The following SH3TC1 variants were observed in gnomAD, a reference collection of about 807,000 sequenced individuals.
SH3TC1 encodes the protein SH3 domain and tetratricopeptide repeat-containing protein 1.
Under a neutral mutation model 117.3 loss-of-function variants are expected in SH3TC1, and 135 were observed. The observed-to-expected ratio is 1.15, with a 90% CI of 1.00 to 1.33. The LOEUF (loss-of-function observed/expected upper bound fraction) is 1.33, where lower values mean the gene tolerates loss of function less well. Ranked by LOEUF, SH3TC1 falls within the 40% of genes most tolerant of loss-of-function variation. The pLI, the probability that SH3TC1 is intolerant of heterozygous loss-of-function variation, is 0.00. For missense variants in SH3TC1, 2,092 were observed against 1,794.3 expected, an observed-to-expected ratio of 1.17 and a Z score of -3.00; for synonymous variants, 898 against 816.9, an observed-to-expected ratio of 1.10 and a Z score of -1.69.
rs1219652486 is a variant in SH3TC1 at position 8,233,474 on chromosome 4, C to T, written c.3243C>T (p.Tyr1081=). 1 of 1,613,616 alleles carries T rather than the reference C, an allele frequency of 6.2e-7. No homozygotes were observed. The highest frequency in any genetic ancestry group is 1.7e-5 in the Admixed American group (1 of 59,950). Residue 1081 remains tyrosine, a synonymous_variant, in exon 14 of 18, where the codon TAC becomes TAT. Coordinates refer to ENST00000245105, the MANE Select transcript of SH3TC1 (RefSeq NM_018986.5). ...HAWLQAGKIY[Y]ILRQSELVDL... ...GGCTGCAAGCAGGGAAGATCTATTA[C>T]ATCTTGCGGCAGAGCGAGCTGGTGG...
At chr4:8,199,115 G>A (rs1188303249), upstream of SH3TC1, among the ~76,000 whole-genome samples, 1 of 152,212 alleles carries the variant, frequency 6.6e-6, no homozygotes, top group Non-Finnish European at 1.5e-5. Flanking sequence ...GCAGGACAGG[G>A]CCTGGACCTC....
chr4:8,225,723 G>T lies in SH3TC1; in HGVS notation c.1285+507G>T, dbSNP rs1283275013. 1.3e-5 allele frequency among the ~76,000 whole-genome samples: 2 copies of T among 152,194 alleles called. No individual in the cohort carries two copies. The highest frequency in any genetic ancestry group is 2.9e-5 in the Non-Finnish European group (2 of 68,042). ...AGCTCTGTCTCTTCCCCTCACACAG[G>T]GTCCGCATGGGGAGAGCCTGGGGAT... On this transcript the variant is annotated intron_variant, in intron 11 of 17. Transcript: ENST00000245105. The surrounding 1 kb of genome is among the most constrained non-coding windows in gnomAD (Gnocchi z 5.5).
At chr4:8,213,912 C>A (rs1467168666) in intron 4 of SH3TC1, among the ~76,000 whole-genome samples, 1 of 150,270 alleles carries the variant, frequency 6.7e-6, no homozygotes, top group African/African-American at 2.4e-5. Flanking sequence ...AAGAAAGAAA[C>A]GGGGCCTTAT....
rs777772093 is a variant in SH3TC1 at position 8,214,522 on chromosome 4, C to G, written c.423C>G (p.Ile141Met). 6 of 1,613,828 alleles carry G rather than the reference C, an allele frequency of 3.7e-6. No individual in the cohort carries two copies. In the African/African-American group the frequency reaches 5.3e-5, roughly 14 times the overall value. The change falls in exon 5 of 18, where the codon ATC becomes ATG. Residue 141 changes from isoleucine (I) to methionine (M), a missense_variant. Ile to Met is a conservative substitution (Grantham distance 10). Coordinates refer to ENST00000245105, the MANE Select transcript of SH3TC1 (RefSeq NM_018986.5). ...CCATCCACAGTGACCAGGACCGGATCGTGGTGACGTTTAAGACTTTTGAAG... is the reference window on the plus strand; with the variant it reads ...CCATCCACAGTGACCAGGACCGGATGGTGGTGACGTTTAAGACTTTTGAAG... ...LLSIHSDQDRIVVTFKTFEEI... is the reference protein window; with the variant it reads ...LLSIHSDQDRMVVTFKTFEEI...
chr4:8,201,163 A>C (rs1236758269), intron 1 of SH3TC1, among the ~76,000 whole-genome samples: 4 of 152,098 alleles, frequency 2.6e-5, no homozygotes, highest in Non-Finnish European at 5.9e-5. Flanking sequence ...AGCTTGGCCA[A>C]AGCTTCCCAA....
Position 8,240,715 on chromosome 4 carries a change from C to T in SH3TC1, c.3771C>T (p.Ala1257=), listed in dbSNP as rs780902044. 8.1e-6 allele frequency: 13 copies of T among 1,613,898 alleles called. No individual in the cohort carries two copies. Among genetic ancestry groups the T allele is most frequent in the Admixed American group, 5.0e-5 (3 of 60,010 alleles). The part of the protein sequence containing the change: ...FYDLKDPFDA[A]GYYQLALAAA... ...CCCTTCAGGACCCGTTTGATGCAGC[C>T]GGGTACTACCAGCTGGCGCTGGCAG... The change falls in exon 18 of 18, where the codon GCC becomes GCT. Residue 1257 remains alanine (A), a synonymous_variant. Coordinates refer to ENST00000245105, the MANE Select transcript of SH3TC1 (RefSeq NM_018986.5).
chr4:8,195,322 C>T (rs576283257), upstream of SH3TC1, among the ~76,000 whole-genome samples: 16 of 152,286 alleles, frequency 1.1e-4, no homozygotes, highest in Admixed American at 3.3e-4. Context: ...CAGATTGTCC[C>T]GGGAGAATTG....
intron 1 of SH3TC1, among the ~76,000 whole-genome samples, chr4:8,182,641 A>G (rs1717110444): frequency 6.6e-6 from 1 of 152,138 alleles, no homozygotes; most frequent in Admixed American, 6.5e-5. Flanking sequence ...CAGTTTCCCC[A>G]TCTGTAAGAT....
intron 4 of SH3TC1, chr4:8,213,050 G>T: frequency 1.7e-6 from 1 of 575,744 alleles, no homozygotes; most frequent in South Asian, 2.3e-5. Context: ...TCGTCCCTCT[G>T]CTCTCCCACA....
At chr4:8,226,593 G>C (rs1720477163) in intron 11 of SH3TC1, among the ~76,000 whole-genome samples, 1 of 152,246 alleles carries the variant, frequency 6.6e-6, no homozygotes, top group African/African-American at 2.4e-5. Context: ...TAGTCGTAGT[G>C]CTGCGTACAC....
chr4:8,193,250 C>A (rs988753454), intron 1 of SH3TC1, among the ~76,000 whole-genome samples: 1 of 152,190 alleles, frequency 6.6e-6, no homozygotes, highest in Non-Finnish European at 1.5e-5. Context: ...CAGCAGCCTG[C>A]GAAAGTGGGG....
Position 8,240,953 on chromosome 4 carries a change from T to A in SH3TC1, c.4009T>A (p.Ter1337ArgextTer?). The change falls in exon 18 of 18, where the codon TGA becomes AGA. Residue 1337 changes from the stop codon to arginine (R), a stop_lost. Transcript: ENST00000245105. The stretch of plus-strand genomic sequence containing the variant: ...CTGGTTGGCCCCCAGCCACCCTCGC[T>A]GAGGACAGCATCCAAGGGAGTGGGT... Reference protein sequence around the residue: ...APWLAPSHPR* With the variant: ...APWLAPSHPRR The A allele has an allele frequency of 6.2e-7, 1 of 1,609,162 alleles. No individual in the cohort carries two copies. Among genetic ancestry groups the A allele is most frequent in the Non-Finnish European group, 8.5e-7 (1 of 1,179,930 alleles).
At chr4:8,188,951 G>A (rs1213668270) in intron 1 of SH3TC1, among the ~76,000 whole-genome samples, 2 of 152,248 alleles carry the variant, frequency 1.3e-5, no homozygotes, top group Admixed American at 1.3e-4. Context: ...ACAGGCACAC[G>A]TGGCTCGACA....
intron 1 of SH3TC1, among the ~76,000 whole-genome samples, chr4:8,185,568 C>G (rs1717197244): frequency 6.6e-6 from 1 of 152,186 alleles, no homozygotes; most frequent in African/African-American, 2.4e-5. Flanking sequence ...ACCCCACTTT[C>G]AGACAGAAAA....
chr4:8,225,174 G>A lies in SH3TC1; in HGVS notation c.1244-1G>A. 6.2e-7 allele frequency: 1 copy of A among 1,613,824 alleles called. No individual in the cohort carries two copies. Among genetic ancestry groups the A allele is most frequent in the Non-Finnish European group, 8.5e-7 (1 of 1,179,948 alleles). ...ATTGCTTCTCTTTTCTCCCTTGCCA[G>A]ACTCAGTAGAGGAAGCTGAGACCGA... is the stretch of plus-strand genomic sequence containing the variant. On this transcript the variant is annotated splice_acceptor_variant, in intron 10 of 17. Coordinates refer to ENST00000245105, the MANE Select transcript of SH3TC1 (RefSeq NM_018986.5). LOFTEE classifies it high-confidence loss of function. This position sits in a 1 kb window ranked among gnomAD's most constrained non-coding sequence, Gnocchi z 5.5.
intron 14 of SH3TC1, among the ~76,000 whole-genome samples, chr4:8,235,033 G>A (rs1340249129): frequency 6.6e-6 from 1 of 152,220 alleles, no homozygotes; most frequent in Non-Finnish European, 1.5e-5. Context: ...ATGGCCAAGA[G>A]GGGACCAGCC....
chr4:8,227,725 C>G lies in SH3TC1; in HGVS notation c.2031C>G (p.His677Gln), dbSNP rs191585949. Residue 677 changes from histidine to glutamine, a missense_variant, in exon 12 of 18, where the codon CAC becomes CAG. By Grantham distance (24) the His-to-Gln change is conservative. Coordinates refer to ENST00000245105, the MANE Select transcript of SH3TC1 (RefSeq NM_018986.5). ...ACFLLARHHV[H>Q]LKQPEEALPF... ...TCCTGCTGGCCAGGCACCACGTGCA[C>G]CTCAAGCAGCCCGAGGAGGCCCTGC... The G allele has an allele frequency of 1.9e-6, 3 of 1,591,814 alleles. No homozygotes were observed. Among genetic ancestry groups the G allele is most frequent in the Admixed American group, 3.4e-5 (2 of 59,066 alleles).
chr4:8,215,376 A>T (rs184966654), intron 5 of SH3TC1: 29 of 404,778 alleles, frequency 7.2e-5, no homozygotes, highest in Non-Finnish European at 1.0e-5. Context: ...TGTAGCCACA[A>T]TTCCCCAAGC....
rs1177776714 is a variant in SH3TC1, at chr4:8,219,448, T to C, written c.1030T>C (p.Trp344Arg). 3 of 1,609,750 alleles carry C rather than the reference T, an allele frequency of 1.9e-6. No individual in the cohort carries two copies. Among genetic ancestry groups the C allele is most frequent in the African/African-American group, 2.7e-5 (2 of 74,778 alleles). ...TGGGGCGCAGGTGCCCAGCCTGCCC[T>C]GGTGCGTGGGCCGACACGCAGCCTC... is the stretch of plus-strand genomic sequence containing the variant. Reference protein sequence around the residue: ...ILGAQVPSLPWCVGRHAASGR... With the variant: ...ILGAQVPSLPRCVGRHAASGR... Residue 344 changes from tryptophan (W) to arginine (R), a missense_variant, in exon 9 of 18, where the codon TGG becomes CGG. Transcript: ENST00000245105.
Sources: allele counts gnomAD v4.1 joint callset (sites outside exome capture counted in the v4.1 genomes callset), GRCh38; gene constraint gnomAD v4.1.1; non-coding constraint Gnocchi (gnomAD v3.1); transcripts MANE v1.5; gene names NCBI Gene and HGNC (gene_info 2026-07-23, HGNC 2026-07-21).